Variants in KIAA0825 observed in about 807,000 individuals in gnomAD.
KIAA0825 encodes KIAA0825.
KIAA0825 carries 119 observed loss-of-function variants against 147.6 expected under a neutral mutation model. The observed-to-expected ratio is 0.81, with a 90% CI of 0.69 to 0.94. KIAA0825 has a LOEUF of 0.94. KIAA0825 is among the 40% of genes least tolerant of loss of function. KIAA0825 has a pLI of 0.00. For missense variants in KIAA0825, 1,381 were observed against 1,472.7 expected (o/e 0.94, Z 1.02); for synonymous variants, 470 against 518.1 (o/e 0.91, Z 1.26).
intron 20 of KIAA0825, among the ~76,000 whole-genome samples, chr5:94,262,645 CTA>C (rs1363201968): frequency 2.6e-5 from 4 of 152,064 alleles, no homozygotes; most frequent in African/African-American, 9.7e-5. Flanking sequence ...GGAAAAATCA[CTA>C]TGTTACACTG....
At chr5:94,197,986 G>GT (rs1315649643) in intron 20 of KIAA0825, among the ~76,000 whole-genome samples, 2 of 152,128 alleles carry the variant, frequency 1.3e-5, no homozygotes, top group African/African-American at 4.8e-5. Flanking sequence ...TTTTAGAATA[G>GT]TTTTTTTCTA....
At chr5:94,592,646 G>A in intron 1 of KIAA0825, 2 of 261,256 alleles carry the variant, frequency 7.7e-6, no homozygotes, top group Non-Finnish European at 1.5e-5. Context: ...ATTGGAATGG[G>A]TTTACAGTTA....
At chr5:94,427,192 AAC>A (rs1269808671) in intron 14 of KIAA0825, among the ~76,000 whole-genome samples, 3 of 152,184 alleles carry the variant, frequency 2.0e-5, no homozygotes, top group African/African-American at 4.8e-5. Flanking sequence ...AGCTTTTCAT[AAC>A]AGTCTTTTTA....
chr5:94,401,445 G>C (rs1401777273), intron 16 of KIAA0825, among the ~76,000 whole-genome samples: 1 of 152,000 alleles, frequency 6.6e-6, no homozygotes, highest in Non-Finnish European at 1.5e-5. Flanking sequence ...TGTATTATGA[G>C]GATTAATTTT....
intron 20 of KIAA0825, among the ~76,000 whole-genome samples, chr5:94,257,716 G>C (rs138210214): frequency 1.3e-5 from 2 of 152,042 alleles, no homozygotes; most frequent in East Asian, 1.9e-4. Flanking sequence ...AGTGACTTAC[G>C]ATCATACAAG....
At chr5:94,428,161 G>A (rs998512383) in intron 14 of KIAA0825, among the ~76,000 whole-genome samples, 1 of 148,864 alleles carries the variant, frequency 6.7e-6, no homozygotes, top group Non-Finnish European at 1.5e-5. Flanking sequence ...GTGTGTGTGT[G>A]TGTGTGTGTG....
chr5:94,403,406 G>A (rs1244892990), intron 16 of KIAA0825, among the ~76,000 whole-genome samples, 163 bp downstream of exon 16: 1 of 152,054 alleles, frequency 6.6e-6, no homozygotes, highest in African/African-American at 2.4e-5. Context: ...CCTTGATCAT[G>A]TGGTTCATAG....
At chr5:94,510,486 T>C (rs1336943488) in intron 5 of KIAA0825, among the ~76,000 whole-genome samples, 2 of 152,188 alleles carry the variant, frequency 1.3e-5, no homozygotes, top group African/African-American at 2.4e-5. Context: ...AAGCAAACAT[T>C]GATAGGTTTT....
chr5:94,497,436 T>C (rs1175821749), intron 5 of KIAA0825, among the ~76,000 whole-genome samples: 2 of 152,198 alleles, frequency 1.3e-5, no homozygotes, highest in Non-Finnish European at 2.9e-5. Flanking sequence ...TAATTTATAT[T>C]AGAGAATTAT....
intron 1 of KIAA0825, chr5:94,618,092 AC>A (rs1791063096): frequency 6.6e-6 from 1 of 152,258 alleles, no homozygotes. Flanking sequence ...TCTTCAGCCA[AC>A]CTCCTGCCTT....
At chr5:94,290,487 G>A (rs1777840525) in intron 20 of KIAA0825, among the ~76,000 whole-genome samples, 1 of 152,170 alleles carries the variant, frequency 6.6e-6, no homozygotes, top group Non-Finnish European at 1.5e-5. Flanking sequence ...TGGCTGCATA[G>A]TATCCCATGG....
intron 20 of KIAA0825, among the ~76,000 whole-genome samples, chr5:94,363,997 G>A (rs943246231): frequency 2.6e-5 from 4 of 152,052 alleles, no homozygotes; most frequent in East Asian, 1.9e-4. Context: ...AGCCAAAAGC[G>A]TGAACAGAAC....
At chr5:94,483,511 A>G (rs1300999061) in intron 6 of KIAA0825, among the ~76,000 whole-genome samples, 2 of 151,788 alleles carry the variant, frequency 1.3e-5, no homozygotes, top group African/African-American at 4.8e-5. Context: ...CTCACAGTCA[A>G]ACTCTATCTA....
At chr5:94,215,682 G>A (rs1425397630) in intron 20 of KIAA0825, among the ~76,000 whole-genome samples, 4 of 151,762 alleles carry the variant, frequency 2.6e-5, no homozygotes, top group Admixed American at 6.6e-5. Context: ...ACTTGGCCTC[G>A]CTGGGACTTA....
rs554096477 is a variant in KIAA0825, at chr5:94,505,626, T to C, written c.970+14622A>G. Among the ~76,000 whole-genome samples the C allele has an allele frequency of 3.3e-5, 5 of 152,304 alleles. No homozygotes were observed. In the South Asian group the frequency reaches 1.0e-3, roughly 32 times the overall value. ...TTCTTTTACAATTTGTATAAAGATG[T>C]CTGTCTTTTTTTCAAAGATTTGTCT... On this transcript the variant is annotated intron_variant, in intron 5 of 20. Coordinates refer to ENST00000682413, the MANE Select transcript of KIAA0825 (RefSeq NM_001145678.3).
chr5:94,499,587 G>GC (rs773814311), intron 5 of KIAA0825, among the ~76,000 whole-genome samples: 2 of 56,656 alleles, frequency 3.5e-5, no homozygotes, highest in East Asian at 5.9e-4. Flanking sequence ...TCCCAATCTG[G>GC]GGGGGGGGGG....
At chr5:94,272,560 CTG>C (rs1777042923) in intron 20 of KIAA0825, among the ~76,000 whole-genome samples, 2 of 152,112 alleles carry the variant, frequency 1.3e-5, no homozygotes, top group South Asian at 4.1e-4. Context: ...TTGACCACAT[CTG>C]TCAAGCAACC....
At chr5:94,565,366 A>G (rs1294699532) in intron 2 of KIAA0825, among the ~76,000 whole-genome samples, 8 of 146,082 alleles carry the variant, frequency 5.5e-5, no homozygotes, top group Non-Finnish European at 1.1e-4. Flanking sequence ...TTTTTGAGAC[A>G]GAATCTCCTT....
At chr5:94,551,228 T>G (rs192705351) in intron 2 of KIAA0825, among the ~76,000 whole-genome samples, 78 of 151,858 alleles carry the variant, frequency 5.1e-4, no homozygotes, top group African/African-American at 1.8e-3. Context: ...CACAATTAAA[T>G]GTACTAATTT....
Sources: allele counts gnomAD v4.1 joint callset (sites outside exome capture counted in the v4.1 genomes callset), GRCh38; gene constraint gnomAD v4.1.1; transcripts MANE v1.5; gene names NCBI Gene and HGNC (gene_info 2026-07-23, HGNC 2026-07-21).